SBF2: variants seen among roughly 807,000 people sequenced by gnomAD.
SBF2 encodes SET binding factor 2.
In SBF2, 112 loss-of-function variants were observed where a neutral mutation model predicts 225.2. The observed-to-expected ratio is 0.50, with a 90% CI of 0.43 to 0.58. The LOEUF (loss-of-function observed/expected upper bound fraction) is 0.58, where lower values mean the gene tolerates loss of function less well. SBF2 is among the 20% of genes least tolerant of loss of function. The pLI, the probability that SBF2 is intolerant of heterozygous loss-of-function variation, is 0.00. For missense variants in SBF2, 1,996 were observed against 2,206.2 expected, an observed-to-expected ratio of 0.90 and a Z score of 1.91; for synonymous variants, 763 against 773.3, an observed-to-expected ratio of 0.99 and a Z score of 0.22.
intron 6 of SBF2, among the ~76,000 whole-genome samples, chr11:10,007,000 G>C (rs1435822015): frequency 6.6e-6 from 1 of 152,188 alleles, no homozygotes; most frequent in Admixed American, 6.5e-5. Context: ...AGACCCATAC[G>C]ACAGACATGA....
chr11:9,920,657 T>C (rs550288725), intron 16 of SBF2, among the ~76,000 whole-genome samples: 60 of 152,336 alleles, frequency 3.9e-4, no homozygotes, highest in African/African-American at 1.4e-3. Flanking sequence ...ATTTCAGTGC[T>C]GTGTGGAAAA....
At chr11:10,008,659 C>T (rs1311767388) in intron 6 of SBF2, among the ~76,000 whole-genome samples, 1 of 152,228 alleles carries the variant, frequency 6.6e-6, no homozygotes, top group Non-Finnish European at 1.5e-5. Context: ...TGGGAAAAAG[C>T]CTTGCATGGC....
At chr11:9,992,184 A>C (rs1380570856) in intron 12 of SBF2, among the ~76,000 whole-genome samples, 1 of 152,144 alleles carries the variant, frequency 6.6e-6, no homozygotes, top group Non-Finnish European at 1.5e-5. Flanking sequence ...CAATTATTTA[A>C]AATTCAGTTG....
At chr11:10,133,410 G>C (rs1954177182) in intron 2 of SBF2, among the ~76,000 whole-genome samples, 1 of 149,212 alleles carries the variant, frequency 6.7e-6, no homozygotes, top group Admixed American at 6.8e-5. Context: ...GTGGGTGGGA[G>C]GCTTAGGCAT....
At chr11:9,990,648 A>G (rs1947388712) in intron 12 of SBF2, among the ~76,000 whole-genome samples, 1 of 152,218 alleles carries the variant, frequency 6.6e-6, no homozygotes, top group Non-Finnish European at 1.5e-5. Flanking sequence ...TGTAGGCCAA[A>G]CAGAGAACTG....
chr11:9,971,804 A>T (rs1946470659), intron 13 of SBF2, among the ~76,000 whole-genome samples: 1 of 152,244 alleles, frequency 6.6e-6, no homozygotes, highest in Non-Finnish European at 1.5e-5. Flanking sequence ...AAGACCAAAA[A>T]TAGTCAAGGA....
intron 2 of SBF2, among the ~76,000 whole-genome samples, chr11:10,167,472 G>A (rs1171771254): frequency 6.6e-6 from 1 of 152,100 alleles, no homozygotes; most frequent in East Asian, 1.9e-4. Flanking sequence ...GGAAGGCTGA[G>A]GTGGGAGGAT....
chr11:10,038,778 T>C (rs1180418899), intron 3 of SBF2, among the ~76,000 whole-genome samples: 4 of 151,884 alleles, frequency 2.6e-5, no homozygotes, highest in African/African-American at 9.7e-5. Flanking sequence ...ATGTTCTCAC[T>C]GAGAACTGCA....
upstream of SBF2, among the ~76,000 whole-genome samples, chr11:10,295,316 A>G (rs958353412): frequency 2.6e-5 from 4 of 152,194 alleles, no homozygotes; most frequent in African/African-American, 9.7e-5. Flanking sequence ...ATTTTCCCCA[A>G]CGACCAGCAG....
rs1308554707 is a variant in SBF2, at chr11:10,143,925, TAGCCAGG to T, written c.141+49970_141+49976del. ...TAGTAGAGACGGGGTTTCACCGCAT[TAGCCAGG>T]ATGGTCTCGATCTCCTGACCTCGTG... On this transcript the variant is annotated intron_variant, in intron 2 of 39. Transcript: ENST00000256190. 3.3e-5 allele frequency among the ~76,000 whole-genome samples: 5 copies of T among 152,056 alleles called. No individual in the cohort carries two copies. In the East Asian group the frequency reaches 9.7e-4, roughly 29 times the overall value.
chr11:10,282,909 C>T (rs1005981980), intron 1 of SBF2, among the ~76,000 whole-genome samples: 1 of 152,172 alleles, frequency 6.6e-6, no homozygotes, highest in Non-Finnish European at 1.5e-5. Context: ...CCCACTCAAG[C>T]ATCAAAGCCT....
At chr11:10,114,018 T>C (rs912070074) in intron 2 of SBF2, among the ~76,000 whole-genome samples, 16 of 152,182 alleles carry the variant, frequency 1.1e-4, no homozygotes, top group Non-Finnish European at 4.4e-5. Context: ...TCTTATTTAT[T>C]GATCAATGTT....
intron 2 of SBF2, among the ~76,000 whole-genome samples, chr11:10,067,280 T>C (rs1013929334): frequency 6.6e-6 from 1 of 152,228 alleles, no homozygotes; most frequent in Non-Finnish European, 1.5e-5. Context: ...AGATGTCAAT[T>C]CTTCTACAAG....
chr11:10,044,828 T>C (rs1260155196), intron 2 of SBF2, among the ~76,000 whole-genome samples: 2 of 152,218 alleles, frequency 1.3e-5, no homozygotes, highest in Non-Finnish European at 2.9e-5. Context: ...ACCCTATTTG[T>C]TCAGTGTGCT....
chr11:10,079,542 A>G (rs1374917789), intron 2 of SBF2, among the ~76,000 whole-genome samples: 1 of 152,206 alleles, frequency 6.6e-6, no homozygotes, highest in African/African-American at 2.4e-5. Context: ...CAGTTAGACA[A>G]AAGTTTTTTA....
At chr11:10,219,483 C>G (rs1390068581) in intron 1 of SBF2, among the ~76,000 whole-genome samples, 1 of 152,212 alleles carries the variant, frequency 6.6e-6, no homozygotes, top group Non-Finnish European at 1.5e-5. Flanking sequence ...CTGACATGCC[C>G]TGGAGACATT....
chr11:9,852,420 C>A (rs1043699408), intron 21 of SBF2, among the ~76,000 whole-genome samples: 4 of 152,112 alleles, frequency 2.6e-5, no homozygotes, highest in Non-Finnish European at 4.4e-5. Context: ...CTAATTTATG[C>A]CCTGCCTATA....
At chr11:10,110,939 G>C (rs1033494720) in intron 2 of SBF2, among the ~76,000 whole-genome samples, 1 of 152,092 alleles carries the variant, frequency 6.6e-6, no homozygotes, top group Non-Finnish European at 1.5e-5. Flanking sequence ...AATTTACTGA[G>C]ACACAGTAGC....
intron 6 of SBF2, among the ~76,000 whole-genome samples, chr11:10,017,974 G>A (rs1948712908): frequency 6.6e-6 from 1 of 151,960 alleles, no homozygotes; most frequent in African/African-American, 2.4e-5. Context: ...CCTAGACTAT[G>A]TCTGTTCTGC....
Sources: gnomAD v4.1 joint callset for allele counts (sites outside exome capture counted in the v4.1 genomes callset) on GRCh38, gnomAD v4.1.1 for gene constraint, MANE v1.5 for transcripts, NCBI Gene and HGNC (gene_info 2026-07-23, HGNC 2026-07-21) for gene names.